The following VWA3A variants were observed in gnomAD, a reference collection of about 807,000 sequenced individuals.
VWA3A encodes von Willebrand factor A domain containing 3A.
Under a neutral mutation model 160.4 loss-of-function variants are expected in VWA3A, and 134 were observed. That is an observed-to-expected ratio of 0.84 (90% CI 0.73 to 0.96). The LOEUF (loss-of-function observed/expected upper bound fraction) is 0.96. VWA3A is among the 40% of genes least tolerant of loss of function. VWA3A has a pLI of 0.00. For missense variants in VWA3A, 1,310 were observed against 1,447.9 expected (o/e 0.90, Z 1.55); for synonymous variants, 476 against 543.4 (o/e 0.88, Z 1.72).
chr16:22,110,513 C>G (rs1181326172), intron 7 of VWA3A, among the ~76,000 whole-genome samples: 1 of 152,144 alleles, frequency 6.6e-6, no homozygotes, highest in Non-Finnish European at 1.5e-5. Context: ...TTAGCCAGGG[C>G]AGAGCTCATG....
At chr16:22,120,807 A>T (rs940977614) in intron 12 of VWA3A, among the ~76,000 whole-genome samples, 161 bp from the exon 13 acceptor site, 1 of 152,160 alleles carries the variant, frequency 6.6e-6, no homozygotes, top group African/African-American at 2.4e-5. Context: ...AAATCTGCAG[A>T]GAAGGGGAGG....
At chr16:22,142,846 G>A (rs1240832394) in intron 25 of VWA3A, 81 bp downstream of exon 25, 2 of 1,097,360 alleles carry the variant, frequency 1.8e-6, no homozygotes, top group East Asian at 5.4e-5. Context: ...TAGGATGGGG[G>A]GGCATAATCA....
In VWA3A at chr16:22,126,229, T is replaced by C. The variant is rs767401082; in HGVS notation, c.1584T>C (p.His528=). The part of the protein sequence containing the change: ...ISATNSMYII[H]IQHSLRLLLE... ...CGACCAATTCCATGTACATTATTCATATCCAGCACTCCCTGCGGCTGCTGC... is the reference window on the plus strand; with the variant it reads ...CGACCAATTCCATGTACATTATTCACATCCAGCACTCCCTGCGGCTGCTGC... The change falls in exon 17 of 34, where the codon CAT becomes CAC. Residue 528 remains histidine, a synonymous_variant. Transcript: ENST00000389398. 3.7e-6 allele frequency: 6 copies of C among 1,613,972 alleles called. No individual in the cohort carries two copies. In the Admixed American group the frequency reaches 8.3e-5, roughly 22 times the overall value.
intron 27 of VWA3A, 68 bp downstream of exon 27, chr16:22,146,412 C>A (rs921142526): frequency 4.3e-6 from 6 of 1,390,210 alleles, no homozygotes; most frequent in Non-Finnish European, 6.0e-6. Context: ...CCCCAGGGAC[C>A]CCAGTGTCAG....
chr16:22,140,322 C>G lies in VWA3A; in HGVS notation c.2383+78C>G, dbSNP rs2046123621. ...AGGCATGGGTTAATAATGATAGTAA[C>G]TAGAGCCACGTGTGGAAGCTCGTGC... On this transcript the variant is annotated intron_variant, in intron 23 of 33. Transcript: ENST00000389398. The G allele has an allele frequency of 3.6e-6, 5 of 1,391,190 alleles. No homozygotes were observed. The East Asian group carries it at 1.2e-4, about 34-fold the overall frequency. 86.2% of individuals were successfully genotyped at this position (1,391,190 alleles called of 1,614,324 possible). A position where few individuals can be genotyped will look rare whatever the true frequency, so the allele number is the denominator to read the frequency against.
At chr16:22,118,290 T>A (rs1468108764) in intron 11 of VWA3A, among the ~76,000 whole-genome samples, 1 of 151,594 alleles carries the variant, frequency 6.6e-6, no homozygotes, top group Non-Finnish European at 1.5e-5. Context: ...CTAAAAATAA[T>A]AACAAAATAA....
At position 22,119,039 on chromosome 16, in the gene VWA3A, G is replaced by A. The variant is rs200496370; in HGVS notation, c.1116+12G>A. The A allele has an allele frequency of 5.7e-4, 912 of 1,599,696 alleles. 2 individuals are homozygous for A. Among genetic ancestry groups the A allele is most frequent in the South Asian group, 2.0e-3 (182 of 89,336 alleles). Reference sequence around the variant, plus strand: ...GCACCATGGAGGAGGTAGGTGGTGCGAGTGTCAATTCTGGGGCCTTCTCCC... The same window carrying A: ...GCACCATGGAGGAGGTAGGTGGTGCAAGTGTCAATTCTGGGGCCTTCTCCC... On this transcript the variant is annotated intron_variant, in intron 12 of 33. Transcript: ENST00000389398.
chr16:22,115,934 A>G (rs2045632468), intron 9 of VWA3A, among the ~76,000 whole-genome samples: 1 of 41,146 alleles, frequency 2.4e-5, no homozygotes, highest in Admixed American at 3.4e-4. Context: ...AAGGAAAGGA[A>G]AGGAAGGGAG....
At chr16:22,112,248 C>T (rs1354100811) in intron 8 of VWA3A, among the ~76,000 whole-genome samples, 1 of 152,108 alleles carries the variant, frequency 6.6e-6, no homozygotes, top group East Asian at 1.9e-4. Context: ...CTCGATTGCC[C>T]ACCATGTATT....
chr16:22,111,578 T>A (rs905756418), intron 8 of VWA3A, among the ~76,000 whole-genome samples: 1 of 152,060 alleles, frequency 6.6e-6, no homozygotes, highest in Admixed American at 6.6e-5. Context: ...ACCCCACGGG[T>A]TCAGGTGATT....
At chr16:22,132,776 G>A (rs1221212087) in intron 19 of VWA3A, 124 bp from the exon 20 acceptor site, 1 of 884,484 alleles carries the variant, frequency 1.1e-6, no homozygotes, top group Non-Finnish European at 1.7e-6. Flanking sequence ...TTCCATCCTT[G>A]TGCCAAGGAC....
chr16:22,115,486 C>G lies in VWA3A; in HGVS notation c.815+14C>G. The G allele has an allele frequency of 6.3e-7, 1 of 1,596,560 alleles. No individual in the cohort carries two copies. Among genetic ancestry groups the G allele is most frequent in the Non-Finnish European group, 8.5e-7 (1 of 1,173,976 alleles). On this transcript the variant is annotated intron_variant, in intron 9 of 33. Coordinates refer to ENST00000389398, the MANE Select transcript of VWA3A (RefSeq NM_173615.5). ...CATGAGAAGCTGGTAGGTCTTCTTT[C>G]CTAAGCAGGTGACATACTACATGAA...
chr16:22,121,447 A>G, intron 13 of VWA3A, 67 bp from the exon 14 acceptor site: 1 of 1,337,846 alleles, frequency 7.5e-7, no homozygotes, highest in Non-Finnish European at 1.1e-6. Flanking sequence ...CTGTCTCAAA[A>G]AAATAAAAGG....
intron 21 of VWA3A, 37 bp from the exon 22 acceptor site, chr16:22,138,323 G>T (rs1294152951): frequency 1.3e-6 from 2 of 1,552,124 alleles, no homozygotes; most frequent in Non-Finnish European, 8.7e-7. Flanking sequence ...GTCCACAGTG[G>T]CTGGGGGTGC....
chr16:22,096,950 G>A lies in VWA3A; in HGVS notation c.101+5G>A, dbSNP rs1302809965. The A allele has an allele frequency of 1.4e-6, 2 of 1,462,994 alleles. No homozygotes were observed. Among genetic ancestry groups the A allele is most frequent in the Non-Finnish European group, 1.9e-6 (2 of 1,079,100 alleles). The allele number at this position is 1,462,994 out of a possible 1,614,324, so 90.6% of individuals were successfully genotyped here. A position where few individuals can be genotyped will look rare whatever the true frequency, so the allele number is the denominator to read the frequency against. ...TATGTTTCTGGAAAACCATTGGTAAGCATAGTTCTCTGATTTTTTTTTTTT... is the reference window on the plus strand; with the variant it reads ...TATGTTTCTGGAAAACCATTGGTAAACATAGTTCTCTGATTTTTTTTTTTT... On this transcript the variant is annotated splice_donor_5th_base_variant and intron_variant, in intron 2 of 33. Coordinates refer to ENST00000389398, the MANE Select transcript of VWA3A (RefSeq NM_173615.5).
In VWA3A at chr16:22,144,324, G is replaced by A; in HGVS notation, c.2670G>A (p.Lys890=). 1 of 1,613,972 alleles carries A rather than the reference G, an allele frequency of 6.2e-7. No homozygotes were observed. The highest frequency in any genetic ancestry group is 1.1e-5 in the South Asian group (1 of 91,072). The change falls in exon 26 of 34, where the codon AAG becomes AAA. Residue 890 remains lysine, a synonymous_variant. Coordinates refer to ENST00000389398, the MANE Select transcript of VWA3A (RefSeq NM_173615.5). ...TGGGTCCCAACTGCACTCATCAAAA[G>A]TCAGGACAGAGGTCAGCATCCGCCA... ...RCMGPNCTHQ[K]SGQRSASAKH...
intron 30 of VWA3A, 97 bp from the exon 31 acceptor site, chr16:22,152,414 A>C: frequency 6.7e-7 from 1 of 1,484,788 alleles, no homozygotes; most frequent in Non-Finnish European, 9.0e-7. Flanking sequence ...GATTTCTCTT[A>C]AGCCCCACGG....
At chr16:22,105,539 C>A (rs1421682360) in intron 6 of VWA3A, among the ~76,000 whole-genome samples, 1 of 152,226 alleles carries the variant, frequency 6.6e-6, no homozygotes, top group Non-Finnish European at 1.5e-5. Context: ...TGGCCCACAG[C>A]CATTCTGTTT....
chr16:22,122,990 C>T, intron 14 of VWA3A, 95 bp from the exon 15 acceptor site: 1 of 1,037,566 alleles, frequency 9.6e-7, no homozygotes, highest in South Asian at 1.4e-5. Context: ...GAGTCCACTT[C>T]ACTCTCCTGC....
Sources: gnomAD v4.1 joint callset for allele counts (sites outside exome capture counted in the v4.1 genomes callset) on GRCh38, gnomAD v4.1.1 for gene constraint, MANE v1.5 for transcripts, NCBI Gene and HGNC (gene_info 2026-07-23, HGNC 2026-07-21) for gene names.